The following ARID4B variants were observed in gnomAD, a reference collection of about 807,000 sequenced individuals.
ARID4B encodes AT-rich interactive domain-containing protein 4B.
In ARID4B, 26 loss-of-function variants were observed where a neutral mutation model predicts 147.5. The observed-to-expected ratio is 0.18, with a 90% CI of 0.13 to 0.24. ARID4B has a LOEUF of 0.24. Among genes scored for constraint, ARID4B ranks in the 10% least tolerant of loss-of-function variants. The probability of loss-of-function intolerance (pLI) is 1.00; values close to 1 mark genes in which losing one functional copy is unlikely to be tolerated. For missense variants in ARID4B, 1,179 were observed against 1,511.5 expected (o/e 0.78, Z 3.65); for synonymous variants, 512 against 507.9 (o/e 1.01, Z -0.11).
chr1:235,260,494 A>G (rs1670226544), intron 3 of ARID4B, 148 bp downstream of exon 3: 1 of 544,042 alleles, frequency 1.8e-6, no homozygotes, highest in Non-Finnish European at 3.1e-6. Flanking sequence ...TACTTTTAAA[A>G]TAACAAAAAA....
intron 17 of ARID4B, among the ~76,000 whole-genome samples, chr1:235,210,232 C>CT (rs1182680174): frequency 3.3e-5 from 5 of 151,074 alleles, no homozygotes; most frequent in South Asian, 4.2e-4. Flanking sequence ...CTGTCTCTCT[C>CT]TTTTTTTTTA....
At chr1:235,217,005 A>C in intron 16 of ARID4B, among the ~76,000 whole-genome samples, 1 of 152,308 alleles carries the variant, frequency 6.6e-6, no homozygotes, top group African/African-American at 2.4e-5. Flanking sequence ...GAATACACTG[A>C]GTTGATGAAT....
At chr1:235,220,582 A>T (rs753109473) in intron 14 of ARID4B, 37 bp from the exon 15 acceptor site, 42 of 1,463,024 alleles carry the variant, frequency 2.9e-5, no homozygotes, top group Middle Eastern at 1.8e-4. Flanking sequence ...TGGTGAAAAC[A>T]TTTCAAAATA....
intron 2 of ARID4B, among the ~76,000 whole-genome samples, chr1:235,292,719 A>G (rs968878093): frequency 6.6e-6 from 1 of 152,176 alleles, no homozygotes; most frequent in African/African-American, 2.4e-5. Context: ...AGGTTGGGTA[A>G]GGTAAAACTC....
At chr1:235,294,828 A>C (rs892313676) in intron 2 of ARID4B, among the ~76,000 whole-genome samples, 4 of 151,602 alleles carry the variant, frequency 2.6e-5, no homozygotes, top group African/African-American at 9.7e-5. Context: ...CTTTTTAAAA[A>C]TATGCTCAAC....
At chr1:235,200,110 G>A (rs1665788898) in intron 17 of ARID4B, among the ~76,000 whole-genome samples, 1 of 152,056 alleles carries the variant, frequency 6.6e-6, no homozygotes, top group Non-Finnish European at 1.5e-5. Context: ...CCCGAGGCCA[G>A]GAGTTCGAGA....
At chr1:235,283,041 G>C (rs1410750007) in intron 2 of ARID4B, among the ~76,000 whole-genome samples, 1 of 152,232 alleles carries the variant, frequency 6.6e-6, no homozygotes, top group Non-Finnish European at 1.5e-5. Context: ...CTCCCAAAGT[G>C]CTGGGATTAC....
At chr1:235,296,512 C>A (rs577977163) in intron 2 of ARID4B, among the ~76,000 whole-genome samples, 1 of 151,848 alleles carries the variant, frequency 6.6e-6, no homozygotes, top group Non-Finnish European at 1.5e-5. Context: ...CACTCTATCA[C>A]CCAGGCTAGG....
chr1:235,212,008 A>G (rs1666747684), intron 17 of ARID4B, among the ~76,000 whole-genome samples: 2 of 152,292 alleles, frequency 1.3e-5, no homozygotes, highest in East Asian at 3.9e-4. Context: ...CCGTAATCCC[A>G]GCACTTTGGG....
chr1:235,236,833 A>AAAAAT (rs1175189621), intron 8 of ARID4B, among the ~76,000 whole-genome samples: 1 of 33,522 alleles, frequency 3.0e-5, no homozygotes, highest in Non-Finnish European at 4.7e-5. Flanking sequence ...TTTTATAAAA[A>AAAAAT]ATATATATAT....
chr1:235,212,320 T>G (rs889930012), intron 17 of ARID4B, among the ~76,000 whole-genome samples: 1 of 152,148 alleles, frequency 6.6e-6, no homozygotes, highest in Non-Finnish European at 1.5e-5. Context: ...TGCAGTGTGT[T>G]AAAGTGGTAT....
At chr1:235,220,800 G>A (rs913436717) in intron 14 of ARID4B, among the ~76,000 whole-genome samples, 15 of 151,950 alleles carry the variant, frequency 9.9e-5, no homozygotes, top group East Asian at 1.9e-4. Flanking sequence ...TCTATTTTTT[G>A]CACATTTCTT....
At chr1:235,314,435 T>C (rs1279561383) in intron 2 of ARID4B, among the ~76,000 whole-genome samples, 1 of 152,184 alleles carries the variant, frequency 6.6e-6, no homozygotes, top group Non-Finnish European at 1.5e-5. Context: ...TCAAAAACAG[T>C]AACTTTACCC....
chr1:235,227,103 G>A (rs961846494), intron 11 of ARID4B, among the ~76,000 whole-genome samples: 1 of 152,184 alleles, frequency 6.6e-6, no homozygotes, highest in African/African-American at 2.4e-5. Flanking sequence ...GTACCATGCT[G>A]ACTAAGGAAG....
At position 235,193,941 on chromosome 1, in the gene ARID4B, A is replaced by C. The variant is rs923759624; in HGVS notation, c.2125+72T>G. The C allele has an allele frequency of 5.0e-6, 6 of 1,193,878 alleles. No individual in the cohort carries two copies. In the African/African-American group the frequency reaches 6.0e-5, roughly 12 times the overall value. 74.0% of individuals were successfully genotyped at this position (1,193,878 alleles called of 1,614,324 possible). ...AAAACAGTAGTTGGTAATGTCACTG[A>C]ATTACCTTTATAGAACTTGACTCAT... On this transcript the variant is annotated intron_variant, in intron 19 of 23. Transcript: ENST00000264183.
In ARID4B at chr1:235,219,961, T is replaced by C. The variant is rs769576138; in HGVS notation, c.1415A>G (p.Lys472Arg). The change falls in exon 16 of 24, where the codon AAA (lysine) becomes AGA (arginine). Residue 472 changes from lysine (K) to arginine (R), a missense_variant. By Grantham distance (26) the Lys-to-Arg change is conservative (BLOSUM62 2). Transcript: ENST00000264183. ...AGGTATAGATTCTAATAAATTCTTT[T>C]TACTTCCCTAGAAAAAGATCAGAGG... Reference protein sequence around the residue: ...KENIKPSLGSKKNLLESIPTH... With the variant: ...KENIKPSLGSRKNLLESIPTH... 15 of 1,536,764 alleles carry C rather than the reference T, an allele frequency of 9.8e-6. No individual in the cohort carries two copies. The South Asian group carries it at 1.9e-4, about 19-fold the overall frequency.
At chr1:235,170,856 G>A (rs1342345825) in intron 23 of ARID4B, among the ~76,000 whole-genome samples, 1 of 145,142 alleles carries the variant, frequency 6.9e-6, no homozygotes, top group Non-Finnish European at 1.5e-5. Context: ...AGGTTGCAGT[G>A]AGCCAAGATC....
At chr1:235,187,964 G>A (rs2102941262) in intron 19 of ARID4B, among the ~76,000 whole-genome samples, 1 of 152,226 alleles carries the variant, frequency 6.6e-6, no homozygotes, top group East Asian at 1.9e-4. Context: ...TTCAGTAGAT[G>A]TGGATGTGCC....
chr1:235,188,715 G>A (rs572788201), intron 19 of ARID4B, among the ~76,000 whole-genome samples: 3 of 152,214 alleles, frequency 2.0e-5, no homozygotes, highest in African/African-American at 7.2e-5. Context: ...TCAAGAGATT[G>A]GAACTCTTTT....
Sources: allele counts gnomAD v4.1 joint callset (sites outside exome capture counted in the v4.1 genomes callset), GRCh38; gene constraint gnomAD v4.1.1; transcripts MANE v1.5; gene names NCBI Gene and HGNC (gene_info 2026-07-23, HGNC 2026-07-21).